WDR41: variants seen among roughly 807,000 people sequenced by gnomAD.
WDR41 encodes WD repeat domain 41, also known as WD repeat-containing protein 41.
WDR41 carries 63 observed loss-of-function variants against 69.3 expected under a neutral mutation model. The ratio of observed to expected loss-of-function variants is 0.91; its 90% confidence interval spans 0.74 to 1.12. The LOEUF (loss-of-function observed/expected upper bound fraction) is 1.12, where lower values mean the gene tolerates loss of function less well. Ranked by LOEUF, WDR41 falls within the 50% of genes most tolerant of loss-of-function variation. The pLI is 0.00. For missense variants in WDR41, 543 were observed against 534.5 expected (o/e 1.02, Z -0.16); for synonymous variants, 185 against 192.1 (o/e 0.96, Z 0.31).
At chr5:77,504,713 G>T (rs1341575840) in intron 1 of WDR41, among the ~76,000 whole-genome samples, 1 of 152,118 alleles carries the variant, frequency 6.6e-6, no homozygotes, top group Non-Finnish European at 1.5e-5. Flanking sequence ...TGCAAGGCTG[G>T]TTCAATATAC....
At chr5:77,495,806 A>G (rs1801925430), upstream of WDR41, among the ~76,000 whole-genome samples, 1 of 33,204 alleles carries the variant, frequency 3.0e-5, no homozygotes, top group African/African-American at 4.9e-4. Context: ...CAGAAAAAAA[A>G]TCACAAAAAG....
In WDR41 at chr5:77,459,044, AT is replaced by A; in HGVS notation, c.411+17del. The A allele has an allele frequency of 6.4e-7, 1 of 1,554,422 alleles. No individual in the cohort carries two copies. The highest frequency in any genetic ancestry group is 8.8e-7 in the Non-Finnish European group (1 of 1,140,460). On this transcript the variant is annotated intron_variant, in intron 5 of 12. Coordinates refer to ENST00000296679, the MANE Select transcript of WDR41 (RefSeq NM_018268.4). ...AAAATAGATTGTCATAAAAACTCAT[AT>A]TTACTTAAGATTTTACCTTTACAGT... is the stretch of plus-strand genomic sequence containing the variant.
chr5:77,538,637 G>A (rs751374839), intron 1 of WDR41, among the ~76,000 whole-genome samples: 7 of 152,152 alleles, frequency 4.6e-5, no homozygotes, highest in Non-Finnish European at 8.8e-5. Flanking sequence ...ACATGATTTT[G>A]TTCTTTTTTG....
At chr5:77,526,456 A>G (rs946219679) in intron 1 of WDR41, among the ~76,000 whole-genome samples, 1 of 152,036 alleles carries the variant, frequency 6.6e-6, no homozygotes, top group African/African-American at 2.4e-5. Context: ...ATGTATTTCT[A>G]TTTTACTGCA....
At chr5:77,614,840 T>C (rs1314909001) in intron 1 of WDR41, among the ~76,000 whole-genome samples, 1 of 150,382 alleles carries the variant, frequency 6.6e-6, no homozygotes, top group African/African-American at 2.4e-5. Flanking sequence ...GAGAAGGGGA[T>C]AAAGGAACAA....
At chr5:77,571,756 A>G (rs887917754) in intron 1 of WDR41, among the ~76,000 whole-genome samples, 1 of 152,188 alleles carries the variant, frequency 6.6e-6, no homozygotes, top group Non-Finnish European at 1.5e-5. Context: ...TGAAGTTAAT[A>G]GAAACTTTAT....
intron 1 of WDR41, among the ~76,000 whole-genome samples, chr5:77,590,556 T>C (rs771589913): frequency 7.2e-5 from 11 of 152,236 alleles, no homozygotes; most frequent in Middle Eastern, 3.4e-3. Context: ...AGTGGGAAAC[T>C]AGGTCAGAGC....
rs767563737 is a variant in WDR41, at chr5:77,438,351, G to C, written c.893C>G (p.Ala298Gly). The C allele has an allele frequency of 4.3e-6, 7 of 1,613,804 alleles. No homozygotes were observed. In the African/African-American group the frequency reaches 6.7e-5, roughly 15 times the overall value. Residue 298 changes from alanine to glycine, a missense_variant, in exon 10 of 13, where the codon GCT becomes GGT. Coordinates refer to ENST00000296679, the MANE Select transcript of WDR41 (RefSeq NM_018268.4). ...HFTCDEENVF[A>G]AVGRGLYVYS... ...CACGTATAAACCCCTTCCAACTGCAGCAAATACATTCTAGGGGAAGAAGTT... is the reference window on the plus strand; with the variant it reads ...CACGTATAAACCCCTTCCAACTGCACCAAATACATTCTAGGGGAAGAAGTT...
At chr5:77,519,617 T>C (rs1561213307) in intron 1 of WDR41, among the ~76,000 whole-genome samples, 1 of 151,940 alleles carries the variant, frequency 6.6e-6, no homozygotes, top group Non-Finnish European at 1.5e-5. Flanking sequence ...AACTTTTTAT[T>C]CTAAAAAAAA....
chr5:77,570,142 A>C (rs545814176), intron 1 of WDR41, among the ~76,000 whole-genome samples: 2 of 152,120 alleles, frequency 1.3e-5, no homozygotes, highest in African/African-American at 4.8e-5. Context: ...TCTCCAACAC[A>C]GCTATTTGAT....
At chr5:77,477,272 G>C (rs1561757078) in intron 2 of WDR41, among the ~76,000 whole-genome samples, 1 of 151,082 alleles carries the variant, frequency 6.6e-6, no homozygotes, top group Non-Finnish European at 1.5e-5. Context: ...CAACGAGACA[G>C]AAAGCCAACA....
At chr5:77,511,886 A>G (rs992596979) in intron 1 of WDR41, among the ~76,000 whole-genome samples, 1 of 152,022 alleles carries the variant, frequency 6.6e-6, no homozygotes, top group Non-Finnish European at 1.5e-5. Flanking sequence ...AATTATTACT[A>G]CTACGGATGA....
At chr5:77,609,447 T>A (rs954427297) in intron 1 of WDR41, among the ~76,000 whole-genome samples, 2 of 152,142 alleles carry the variant, frequency 1.3e-5, no homozygotes, top group Admixed American at 6.5e-5. Context: ...CAGGTACTCC[T>A]CTGAGACAAA....
intron 1 of WDR41, among the ~76,000 whole-genome samples, chr5:77,541,556 G>A (rs907115885): frequency 2.1e-5 from 3 of 145,548 alleles, no homozygotes; most frequent in Non-Finnish European, 4.5e-5. Context: ...GCAGTGGCGC[G>A]ATCTTGGCTC....
chr5:77,537,427 T>C (rs1358218013), intron 1 of WDR41, among the ~76,000 whole-genome samples: 4 of 152,156 alleles, frequency 2.6e-5, no homozygotes, highest in African/African-American at 9.7e-5. Context: ...CCAGAGCCTT[T>C]ATTGGGGTTT....
rs140120741 is a variant in WDR41, at chr5:77,574,073, G to A, written c.42+46406C>T. On this transcript the variant is annotated intron_variant, in intron 1 of 5. Transcript: ENST00000509971. ...AGCACTTTGGGAGGCAGAGGCAGGC[G>A]AATCACCTGAGGCCAGGAGTTCCAG... Among the ~76,000 whole-genome samples the A allele has an allele frequency of 3.3e-3, 496 of 152,136 alleles. 3 individuals carry two copies. Among genetic ancestry groups the A allele is most frequent in the African/African-American group, 0.012 (479 of 41,498 alleles).
intron 1 of WDR41, among the ~76,000 whole-genome samples, chr5:77,613,902 A>G (rs559618180): frequency 1.5e-3 from 223 of 152,384 alleles, no homozygotes; most frequent in South Asian, 3.7e-3. Context: ...CTCATCTGAC[A>G]AAGGGCTAAT....
intron 1 of WDR41, among the ~76,000 whole-genome samples, chr5:77,566,243 A>T (rs1465800883): frequency 2.6e-5 from 4 of 152,154 alleles, no homozygotes; most frequent in Non-Finnish European, 5.9e-5. Context: ...AGGGCTTATG[A>T]GGCCATCTAA....
chr5:77,479,273 A>G (rs1396726659), intron 2 of WDR41, among the ~76,000 whole-genome samples: 2 of 152,034 alleles, frequency 1.3e-5, no homozygotes, highest in African/African-American at 4.8e-5. Context: ...ATTCAGTGCC[A>G]TCCCCATCAA....
Sources: gnomAD v4.1 joint callset for allele counts (sites outside exome capture counted in the v4.1 genomes callset) on GRCh38, gnomAD v4.1.1 for gene constraint, MANE v1.5 for transcripts, NCBI Gene and HGNC (gene_info 2026-07-23, HGNC 2026-07-21) for gene names.